Variants in PIWIL3 observed in about 807,000 individuals in gnomAD.
The protein encoded by PIWIL3 is piwi-like protein 3.
PIWIL3 carries 101 observed loss-of-function variants against 109.7 expected under a neutral mutation model. The ratio of observed to expected loss-of-function variants is 0.92; its 90% CI spans 0.78 to 1.09. The LOEUF is 1.09. PIWIL3 is among the 50% of genes least tolerant of loss of function. PIWIL3 has a pLI of 0.00. For missense variants in PIWIL3, 1,031 were observed against 1,072.6 expected, an observed-to-expected ratio of 0.96 and a Z score of 0.54; for synonymous variants, 373 against 376.4, an observed-to-expected ratio of 0.99 and a Z score of 0.10.
chr22:24,757,107 A>G (rs1449808742), intron 4 of PIWIL3, among the ~76,000 whole-genome samples: 1 of 151,066 alleles, frequency 6.6e-6, no homozygotes, highest in African/African-American at 2.4e-5. Flanking sequence ...AAAAAAGAAA[A>G]GAAAAGAAAA....
Position 24,760,780 on chromosome 22 carries a change from C to CAAAAAAAAAAAAAAA in PIWIL3, c.103-806_103-792dup, listed in dbSNP as rs61469163. 6.1e-4 allele frequency among the ~76,000 whole-genome samples: 25 copies of CAAAAAAAAAAAAAAA among 41,022 alleles called. 1 individual carries two copies. Among genetic ancestry groups the CAAAAAAAAAAAAAAA allele is most frequent in the South Asian group, 2.2e-3 (2 of 898 alleles). 26.9% of individuals were successfully genotyped at this position (41,022 alleles called of 152,430 possible). On this transcript the variant is annotated intron_variant, in intron 2 of 20. Transcript: ENST00000616349. ...GGGCAACAAGAGCGAAACTCTGTCT[C>CAAAAAAAAAAAAAAA]AAAAAAAAAAAAAAAAAAAAAAAGC...
Position 24,735,611 on chromosome 22 carries a change from T to C in PIWIL3, c.1634+97A>G. 3 of 1,240,666 alleles carry C rather than the reference T, an allele frequency of 2.4e-6. No individual in the cohort carries two copies. The South Asian group carries it at 4.9e-5, about 20-fold the overall frequency. The allele number at this position is 1,240,666 out of a possible 1,614,324, so 76.9% of individuals were successfully genotyped here. A position where few individuals can be genotyped will look rare whatever the true frequency, so the allele number is the denominator to read the frequency against. The stretch of plus-strand genomic sequence containing the variant: ...TTAGACTTTACAAACTCTAAGGTTT[T>C]GATACAGTGACCAATTCCTACAATT... On this transcript the variant is annotated intron_variant, in intron 13 of 20. Transcript: ENST00000616349.
At position 24,719,496 on chromosome 22, in the gene PIWIL3, C is replaced by T; in HGVS notation, c.2598G>A (p.Leu866=). Residue 866 remains leucine, a synonymous_variant, in exon 21 of 21, where the codon TTG becomes TTA. Transcript: ENST00000616349. ...GTCAAAGGTAAAAGAGACGAGTTGA[C>T]AAGGAACGATTCGGTTCCTGGTGAA... ...QSIHQEPNRS[L]STRLFYL 1 of 1,595,446 alleles carries T rather than the reference C, an allele frequency of 6.3e-7. No homozygotes were observed. The highest frequency in any genetic ancestry group is 8.5e-7 in the Non-Finnish European group (1 of 1,173,434).
At chr22:24,723,293 A>C in intron 18 of PIWIL3, 38 bp from the exon 19 acceptor site, 1 of 1,584,598 alleles carries the variant, frequency 6.3e-7, no homozygotes, top group Non-Finnish European at 8.6e-7. Flanking sequence ...ATGTTTACTC[A>C]GTCTTACCTC....
At chr22:24,746,669 A>C (rs534455199) in intron 12 of PIWIL3, among the ~76,000 whole-genome samples, 2 of 152,130 alleles carry the variant, frequency 1.3e-5, no homozygotes, top group South Asian at 4.1e-4. Context: ...AAATTTAATA[A>C]AGTTGCAGGA....
At position 24,756,705 on chromosome 22, in the gene PIWIL3, C is replaced by A; in HGVS notation, c.356G>T (p.Gly119Val). 2 of 1,611,030 alleles carry A rather than the reference C, an allele frequency of 1.2e-6. No individual in the cohort carries two copies. Among genetic ancestry groups the A allele is most frequent in the Non-Finnish European group, 1.7e-6 (2 of 1,177,770 alleles). Residue 119 changes from glycine (G) to valine (V), a missense_variant and splice_region_variant, in exon 5 of 21, where the codon GGT (glycine) becomes GTT (valine). Physicochemically the swap from Gly to Val is moderately radical, Grantham distance 109. Transcript: ENST00000616349. ...TAGCTGTACCACTGTACCCTCTGAA[C>A]CTGAAAAATGGAGCCACATGACAAT... ...DMKHVKDSKT[G>V]SEGTVVQLLA...
chr22:24,730,382 AAG>A (rs1923279827), intron 14 of PIWIL3, among the ~76,000 whole-genome samples: 4 of 151,570 alleles, frequency 2.6e-5, no homozygotes. Flanking sequence ...AAAAAAAAAA[AAG>A]CATTACTTCA....
At chr22:24,769,235 A>T (rs563245399) in intron 1 of PIWIL3, among the ~76,000 whole-genome samples, 1 of 152,300 alleles carries the variant, frequency 6.6e-6, no homozygotes, top group South Asian at 2.1e-4. Flanking sequence ...AGTAGTTGTT[A>T]TGTTGTGTTG....
chr22:24,748,726 T>TCTG (rs1924518760), intron 12 of PIWIL3, among the ~76,000 whole-genome samples, 181 bp downstream of exon 12: 2 of 152,210 alleles, frequency 1.3e-5, no homozygotes, highest in Admixed American at 1.3e-4. Context: ...AATACAGAGC[T>TCTG]TACTATGTGC....
intron 6 of PIWIL3, among the ~76,000 whole-genome samples, chr22:24,755,328 G>A (rs1924958216): frequency 6.6e-6 from 1 of 152,118 alleles, no homozygotes; most frequent in African/African-American, 2.4e-5. Context: ...TCACCATGTT[G>A]GCCAAGCTGG....
intron 20 of PIWIL3, 52 bp from the exon 21 acceptor site, chr22:24,719,640 C>A: frequency 6.5e-7 from 1 of 1,536,794 alleles, no homozygotes; most frequent in South Asian, 1.2e-5. Flanking sequence ...TTTACATCTA[C>A]TTTCCCTAAA....
chr22:24,744,203 AAAAAC>A (rs1924209874), intron 12 of PIWIL3, among the ~76,000 whole-genome samples: 1 of 149,258 alleles, frequency 6.7e-6, no homozygotes, highest in Non-Finnish European at 1.5e-5. Flanking sequence ...AAAAAAAAAA[AAAAAC>A]AATGATCTGC....
chr22:24,760,010 AAAT>A (rs1207114704), intron 2 of PIWIL3, 21 bp from the exon 3 acceptor site: 1 of 1,613,486 alleles, frequency 6.2e-7, no homozygotes. Flanking sequence ...TTGGAAATAG[AAAT>A]AATGAGCAGT....
chr22:24,756,807 C>G (rs1023836436), intron 4 of PIWIL3, 102 bp from the exon 5 acceptor site: 1 of 997,836 alleles, frequency 1.0e-6, no homozygotes, highest in South Asian at 1.6e-5. Flanking sequence ...GGGCTGGGCA[C>G]GGTGGCTCAC....
At chr22:24,728,088 A>T in intron 15 of PIWIL3, 35 bp from the exon 16 acceptor site, 1 of 1,608,798 alleles carries the variant, frequency 6.2e-7, no homozygotes, top group South Asian at 1.1e-5. Flanking sequence ...ATGGAGTTAG[A>T]ACGTGAGCAA....
chr22:24,733,711 AAC>A (rs1491163627), intron 14 of PIWIL3, among the ~76,000 whole-genome samples: 70 of 84,696 alleles, frequency 8.3e-4, no homozygotes, highest in South Asian at 7.6e-3. Flanking sequence ...AAACAACAAC[AAC>A]AAAAAAAAAC....
intron 16 of PIWIL3, among the ~76,000 whole-genome samples, chr22:24,727,696 A>AAAGACAGGCATTGTCATT (rs1923079119): frequency 6.6e-6 from 1 of 152,218 alleles, no homozygotes; most frequent in South Asian, 2.1e-4. Flanking sequence ...CCGTGCAGAT[A>AAAGACAGGCATTGTCATT]AAGACAGGCA....
intron 1 of PIWIL3, among the ~76,000 whole-genome samples, chr22:24,764,404 C>G (rs1300353666): frequency 1.3e-5 from 2 of 152,170 alleles, no homozygotes; most frequent in Non-Finnish European, 2.9e-5. Context: ...CAACTCCCTG[C>G]TGGGGCCGGT....
At chr22:24,745,017 CAA>C (rs1160025594) in intron 12 of PIWIL3, among the ~76,000 whole-genome samples, 1 of 152,128 alleles carries the variant, frequency 6.6e-6, no homozygotes, top group East Asian at 1.9e-4. Context: ...AAAAGACAAA[CAA>C]AGCATCTTCT....
Sources: gnomAD v4.1 joint callset for allele counts (sites outside exome capture counted in the v4.1 genomes callset) on GRCh38, gnomAD v4.1.1 for gene constraint, MANE v1.5 for transcripts, NCBI Gene and HGNC (gene_info 2026-07-23, HGNC 2026-07-21) for gene names.